Variants in FZD3 observed in about 807,000 individuals in gnomAD.
The protein encoded by FZD3 is frizzled class receptor 3, also known as frizzled-3.
In FZD3, 30 loss-of-function variants were observed where a neutral mutation model predicts 60.7. The ratio of observed to expected loss-of-function variants is 0.49; its 90% confidence interval spans 0.37 to 0.67. FZD3 has a LOEUF of 0.67. FZD3 is among the 30% of genes least tolerant of loss of function. FZD3 has a pLI of 0.00. For synonymous variants in FZD3, 246 were observed against 275.2 expected (o/e 0.89, Z 1.05); for missense variants, 605 against 838.7 (o/e 0.72, Z 3.44).
intron 5 of FZD3, among the ~76,000 whole-genome samples, chr8:28,539,467 T>C (rs528976528): frequency 6.6e-6 from 1 of 152,214 alleles, no homozygotes; most frequent in Non-Finnish European, 1.5e-5. Flanking sequence ...TAAGCCGTTA[T>C]ATTTGATAGG....
At chr8:28,535,538 C>G (rs1804988286) in intron 5 of FZD3, among the ~76,000 whole-genome samples, 1 of 152,262 alleles carries the variant, frequency 6.6e-6, no homozygotes, top group African/African-American at 2.4e-5. Context: ...GACAGTCTTT[C>G]AGCCTCTCTT....
At chr8:28,517,798 A>C (rs1260554912) in intron 3 of FZD3, among the ~76,000 whole-genome samples, 1 of 152,130 alleles carries the variant, frequency 6.6e-6, no homozygotes, top group Non-Finnish European at 1.5e-5. Context: ...CTTTTATTGA[A>C]GATATTAGTC....
chr8:28,509,272 C>CGA (rs1306110795), intron 3 of FZD3, among the ~76,000 whole-genome samples: 1 of 151,744 alleles, frequency 6.6e-6, no homozygotes, highest in African/African-American at 2.4e-5. Flanking sequence ...CACCTAAAGG[C>CGA]AGTCATTTTT....
chr8:28,521,159 A>G lies in FZD3; in HGVS notation c.386+325A>G, dbSNP rs150346011. Among the ~76,000 whole-genome samples the G allele has an allele frequency of 9.4e-4, 143 of 152,302 alleles. 1 individual carries two copies. The East Asian group carries it at 0.023, about 24-fold the overall frequency. ...GAAAAATTATACGGAGAAGAAAACC[A>G]TTTATTACCTCATCATTGCGGGGGC... On this transcript the variant is annotated intron_variant, in intron 4 of 7. Coordinates refer to ENST00000240093, the MANE Select transcript of FZD3 (RefSeq NM_017412.4).
intron 7 of FZD3, among the ~76,000 whole-genome samples, chr8:28,561,592 G>T (rs1805613323): frequency 9.1e-6 from 1 of 109,416 alleles, no homozygotes; most frequent in African/African-American, 3.4e-5. Context: ...TTTTTTTGAT[G>T]ACTGTTTAAA....
chr8:28,514,866 A>G (rs1804383475), intron 3 of FZD3, among the ~76,000 whole-genome samples: 1 of 152,268 alleles, frequency 6.6e-6, no homozygotes, highest in East Asian at 1.9e-4. Flanking sequence ...TCATTTATTA[A>G]TTGTGTTCTG....
chr8:28,497,332 A>T (rs1362890662), intron 1 of FZD3, among the ~76,000 whole-genome samples: 1 of 152,194 alleles, frequency 6.6e-6, no homozygotes. Context: ...AAGCTATATA[A>T]ACTTTCTTGT....
chr8:28,503,279 G>T, intron 3 of FZD3, 77 bp downstream of exon 3: 1 of 765,454 alleles, frequency 1.3e-6, no homozygotes. Context: ...TAATGAATGT[G>T]TTTGATAAAC....
chr8:28,524,659 G>A (rs764274428), intron 4 of FZD3, among the ~76,000 whole-genome samples: 4 of 151,918 alleles, frequency 2.6e-5, no homozygotes, highest in East Asian at 1.9e-4. Flanking sequence ...CCCAGAGTTC[G>A]GTTCCTGTTC....
rs142440324 is a variant in FZD3 at position 28,544,003 on chromosome 8, A to G, written c.1405-7600A>G. Among the ~76,000 whole-genome samples the G allele has an allele frequency of 8.7e-4, 132 of 152,164 alleles. 1 individual carries two copies. The highest frequency in any genetic ancestry group is 3.4e-3 in the Middle Eastern group (1 of 294). ...TTCAGGACTTCTCAGAACCTTGAAT[A>G]TATTAATGTATAATCCCTCCGGGTG... On this transcript the variant is annotated intron_variant, in intron 5 of 7. Coordinates refer to ENST00000240093, the MANE Select transcript of FZD3 (RefSeq NM_017412.4).
intron 5 of FZD3, among the ~76,000 whole-genome samples, chr8:28,534,609 TC>T (rs1446809776): frequency 6.6e-6 from 1 of 152,100 alleles, no homozygotes; most frequent in African/African-American, 2.4e-5. Flanking sequence ...AAACAATAAC[TC>T]CCCATTCTTC....
At chr8:28,552,680 T>C (rs1469883135) in intron 6 of FZD3, among the ~76,000 whole-genome samples, 2 of 152,304 alleles carry the variant, frequency 1.3e-5, no homozygotes, top group Non-Finnish European at 2.9e-5. Context: ...CATTTTCTTA[T>C]ACAATTTGAA....
chr8:28,559,927 T>C (rs1189458705), intron 7 of FZD3, among the ~76,000 whole-genome samples: 1 of 152,150 alleles, frequency 6.6e-6, no homozygotes, highest in Non-Finnish European at 1.5e-5. Flanking sequence ...TAAAACAAAA[T>C]AGGCTGAGGT....
intron 3 of FZD3, among the ~76,000 whole-genome samples, chr8:28,510,851 A>G (rs1465604872): frequency 6.6e-6 from 1 of 151,740 alleles, no homozygotes; most frequent in African/African-American, 2.4e-5. Context: ...AGCCTGACCA[A>G]TATGGTGAAA....
chr8:28,506,935 C>T (rs1362597130), intron 3 of FZD3, among the ~76,000 whole-genome samples: 2 of 152,156 alleles, frequency 1.3e-5, no homozygotes, highest in Non-Finnish European at 2.9e-5. Flanking sequence ...CAGCCTTAAA[C>T]ATTACCAACT....
chr8:28,562,393 C>G (rs753059282), intron 7 of FZD3, among the ~76,000 whole-genome samples: 1 of 152,034 alleles, frequency 6.6e-6, no homozygotes, highest in African/African-American at 2.4e-5. Context: ...TGAATGTACC[C>G]CTCTACTGAT....
chr8:28,501,621 A>G (rs894895513), intron 2 of FZD3, among the ~76,000 whole-genome samples: 9 of 152,252 alleles, frequency 5.9e-5, no homozygotes. Context: ...ATAGCTTAGA[A>G]TATACTTTTT....
intron 6 of FZD3, among the ~76,000 whole-genome samples, chr8:28,554,034 A>C (rs1410456845): frequency 2.0e-5 from 3 of 152,228 alleles, no homozygotes; most frequent in African/African-American, 7.2e-5. Context: ...TTTGCTCTTA[A>C]CTACTTTGTT....
chr8:28,517,407 G>A (rs1448517105), intron 3 of FZD3, among the ~76,000 whole-genome samples: 2 of 152,122 alleles, frequency 1.3e-5, no homozygotes, highest in Non-Finnish European at 2.9e-5. Flanking sequence ...GCCTAGCTGA[G>A]GTTTTCTTGT....
Sources: allele counts gnomAD v4.1 joint callset (sites outside exome capture counted in the v4.1 genomes callset), GRCh38; gene constraint gnomAD v4.1.1; transcripts MANE v1.5; gene names NCBI Gene and HGNC (gene_info 2026-07-23, HGNC 2026-07-21).